Variants in TNNT2 observed in about 807,000 individuals in gnomAD.
The protein encoded by TNNT2 is troponin T, cardiac muscle.
In TNNT2, 34 loss-of-function variants were observed where a neutral mutation model predicts 62.4. The observed-to-expected ratio is 0.54, with a 90% CI of 0.41 to 0.72. The LOEUF (loss-of-function observed/expected upper bound fraction) is 0.72, where lower values mean the gene tolerates loss of function less well. TNNT2 is among the 30% of genes least tolerant of loss of function. The pLI is 0.00. For synonymous variants in TNNT2, 123 were observed against 127.2 expected (o/e 0.97, Z 0.22); for missense variants, 275 against 381.9 (o/e 0.72, Z 2.33).
chr1:201,365,577 C>T (rs1357016532), intron 9 of TNNT2, 33 bp downstream of exon 9: 1 of 1,608,846 alleles, frequency 6.2e-7, no homozygotes, highest in Non-Finnish European at 8.5e-7. Flanking sequence ...CTATCCCCAG[C>T]CCAGGCCTAC....
chr1:201,362,109 A>G, intron 13 of TNNT2, 87 bp from the exon 14 acceptor site: 1 of 1,443,964 alleles, frequency 6.9e-7, no homozygotes, highest in South Asian at 1.1e-5. Flanking sequence ...GGGTGGAGCA[A>G]GGCCTGCAGG....
chr1:201,374,138 T>C (rs1406581659), intron 1 of TNNT2: 1 of 152,262 alleles, frequency 6.6e-6, no homozygotes, highest in Non-Finnish European at 1.5e-5. Flanking sequence ...TGTATTGATG[T>C]CCAATCTTGG....
At chr1:201,364,470 G>C (rs765548314) in intron 10 of TNNT2, 95 bp from the exon 11 acceptor site, 580 of 1,317,102 alleles carry the variant, frequency 4.4e-4, no homozygotes, top group Non-Finnish European at 5.1e-4. Flanking sequence ...GGAATTCCTG[G>C]GGGAGGGTTC....
At position 201,363,525 on chromosome 1, in the gene TNNT2, C is replaced by A. The variant is rs3730237; in HGVS notation, c.490-119G>T. ...AGCTTTCTCTCCGCTCAGCAAGGAG[C>A]TTTCTGAGAGGGTAGCTCCCAGCAC... On this transcript the variant is annotated intron_variant, in intron 11 of 16. Coordinates refer to ENST00000656932, the MANE Select transcript of TNNT2 (RefSeq NM_001276345.2). 5.0e-3 allele frequency: 4,659 copies of A among 924,030 alleles called. 15 individuals carry two copies. Among genetic ancestry groups the A allele is most frequent in the Non-Finnish European group, 7.2e-3 (4,057 of 562,354 alleles). 57.2% of individuals were successfully genotyped at this position (924,030 alleles called of 1,614,324 possible). A position where few individuals can be genotyped will look rare whatever the true frequency, so the allele number is the denominator to read the frequency against.
intron 4 of TNNT2, among the ~76,000 whole-genome samples, chr1:201,371,143 C>G (rs964172093): frequency 6.6e-6 from 1 of 152,108 alleles, no homozygotes; most frequent in African/African-American, 2.4e-5. Flanking sequence ...TCATAGAGAC[C>G]CTTCTCCTAA....
chr1:201,373,503 C>G lies in TNNT2; in HGVS notation c.-14-235G>C, dbSNP rs79534927. On this transcript the variant is annotated intron_variant, in intron 1 of 16. Coordinates refer to ENST00000656932, the MANE Select transcript of TNNT2 (RefSeq NM_001276345.2). ...GTCCACTTCGTTCCTTGCCCCTGAA[C>G]AGGCAATACTGCCTGGGATGCTGCA... 9.3e-4 allele frequency: 537 copies of G among 575,574 alleles called. 3 individuals are homozygous for G. The highest frequency in any genetic ancestry group is 8.1e-3 in the African/African-American group (435 of 53,514). 35.7% of individuals were successfully genotyped at this position (575,574 alleles called of 1,614,324 possible). A position where few individuals can be genotyped will look rare whatever the true frequency, so the allele number is the denominator to read the frequency against.
At chr1:201,369,732 C>A (rs1660320461) in intron 5 of TNNT2, 84 bp downstream of exon 5, 3 of 1,578,852 alleles carry the variant, frequency 1.9e-6, no homozygotes, top group Non-Finnish European at 2.6e-6. Flanking sequence ...ACCCCCCAGC[C>A]CCCAGAACAG....
chr1:201,366,687 G>T (rs982386712), intron 8 of TNNT2, 151 bp downstream of exon 8: 11 of 1,569,456 alleles, frequency 7.0e-6, no homozygotes, highest in African/African-American at 1.3e-5. Flanking sequence ...AGACGCTTGT[G>T]CAGTACACAA....
At chr1:201,366,997 A>C (rs755645127) in intron 7 of TNNT2, 126 bp from the exon 8 acceptor site, 24 of 1,517,324 alleles carry the variant, frequency 1.6e-5, no homozygotes, top group Non-Finnish European at 2.1e-5. Flanking sequence ...CCCTCCCGGC[A>C]CTGGGGAGCC....
chr1:201,362,525 A>G, intron 12 of TNNT2, 131 bp from the exon 13 acceptor site: 2 of 1,247,674 alleles, frequency 1.6e-6, no homozygotes, highest in South Asian at 1.4e-5. Flanking sequence ...CGCTGTAGTC[A>G]GCCGGGTTTA....
At position 201,364,314 on chromosome 1, in the gene TNNT2, C is replaced by T. The variant is rs730881102; in HGVS notation, c.473G>A (p.Arg158Gln). The T allele has an allele frequency of 2.5e-6, 4 of 1,612,906 alleles. No homozygotes were observed. The highest frequency in any genetic ancestry group is 2.5e-6 in the Non-Finnish European group (3 of 1,179,978). Residue 158 changes from arginine (R) to glutamine (Q), a missense_variant, in exon 11 of 17, where the codon CGG becomes CAG. Physicochemically the swap from Arg to Gln is conservative, Grantham distance 43. Coordinates refer to ENST00000656932, the MANE Select transcript of TNNT2 (RefSeq NM_001276345.2). ...QRIRNEREKE[R>Q]QNRLAEERAR... Reference sequence around the variant, plus strand: ...GTCACTCACAGCCAGGCGGTTCTGCCGCTCCTTCTCCCGCTCATTCCGGAT... The same window carrying T: ...GTCACTCACAGCCAGGCGGTTCTGCTGCTCCTTCTCCCGCTCATTCCGGAT...
chr1:201,370,753 G>A (rs1314865560), intron 4 of TNNT2, among the ~76,000 whole-genome samples: 1 of 152,182 alleles, frequency 6.6e-6, no homozygotes, highest in African/African-American at 2.4e-5. Context: ...TACTGTGTGT[G>A]GCAGGCAGAT....
intron 1 of TNNT2, chr1:201,374,110 A>G (rs1304120657): frequency 6.6e-6 from 1 of 152,320 alleles, no homozygotes; most frequent in Non-Finnish European, 1.5e-5. Flanking sequence ...GCAAATCTGA[A>G]TAAGATCATA....
At chr1:201,366,784 T>C in intron 8 of TNNT2, 54 bp downstream of exon 8, 1 of 1,613,738 alleles carries the variant, frequency 6.2e-7, no homozygotes, top group South Asian at 1.1e-5. Flanking sequence ...TCCATCATCA[T>C]CCTCTCTCCC....
intron 8 of TNNT2, chr1:201,366,473 T>C: frequency 4.3e-6 from 5 of 1,158,940 alleles, no homozygotes; most frequent in Non-Finnish European, 5.4e-6. Flanking sequence ...CACGGTTTCA[T>C]TGTTTGGCTC....
chr1:201,367,755 C>T lies in TNNT2; in HGVS notation c.199+16G>A, dbSNP rs1481747164. 3.1e-6 allele frequency: 5 copies of T among 1,614,052 alleles called. No individual in the cohort carries two copies. The Admixed American group carries it at 8.3e-5, about 27-fold the overall frequency. ...GTTCCTTTGCCTCCCTTGTACCTCTCTCCTGATATCCTTACCTTCAGCCTC... is the reference window on the plus strand; with the variant it reads ...GTTCCTTTGCCTCCCTTGTACCTCTTTCCTGATATCCTTACCTTCAGCCTC... On this transcript the variant is annotated intron_variant, in intron 7 of 16. Transcript: ENST00000656932.
rs201271311 is a variant in TNNT2 at position 201,359,182 on chromosome 1, G to A, written c.*28C>T. 224 of 1,604,210 alleles carry A rather than the reference G, an allele frequency of 1.4e-4. 3 individuals carry two copies. The African/African-American group carries it at 2.6e-3, about 19-fold the overall frequency. ...GGCCGGAGGCAGGTGCGAGCGAGGA[G>A]CAGATCTTTGGTGAAGGAGGCCAGG... On this transcript the variant is annotated 3_prime_UTR_variant, in exon 17 of 17. Coordinates refer to ENST00000656932, the MANE Select transcript of TNNT2 (RefSeq NM_001276345.2).
intron 3 of TNNT2, 25 bp downstream of exon 3, chr1:201,372,120 A>G (rs1660707921): frequency 1.2e-6 from 2 of 1,614,026 alleles, no homozygotes; most frequent in Non-Finnish European, 1.7e-6. Flanking sequence ...CTTTGATCCA[A>G]ATGAGTACAC....
chr1:201,377,237 T>C (rs974172631), intron 1 of TNNT2, among the ~76,000 whole-genome samples: 4 of 152,176 alleles, frequency 2.6e-5, no homozygotes, highest in Admixed American at 2.0e-4. Context: ...TAGGGGAGTC[T>C]CTGTTGGTTA....
Sources: gnomAD v4.1 joint callset for allele counts (sites outside exome capture counted in the v4.1 genomes callset) on GRCh38, gnomAD v4.1.1 for gene constraint, MANE v1.5 for transcripts, NCBI Gene and HGNC (gene_info 2026-07-23, HGNC 2026-07-21) for gene names.